TRANK1: variants seen among roughly 807,000 people sequenced by gnomAD.
TRANK1 encodes the protein tetratricopeptide repeat and ankyrin repeat containing 1.
A neutral mutation model predicts 266.0 loss-of-function variants in TRANK1; 198 were observed. The ratio of observed to expected loss-of-function variants is 0.74; its 90% CI spans 0.66 to 0.84. The LOEUF is 0.84. Among genes scored for constraint, TRANK1 ranks in the 40% least tolerant of loss-of-function variants. The pLI is 0.00. For missense variants in TRANK1, 3,326 were observed against 3,634.6 expected (o/e 0.92, Z 2.18); for synonymous variants, 1,396 against 1,384.1 (o/e 1.01, Z -0.19).
At chr3:36,936,821 G>C (rs914670579) in intron 1 of TRANK1, among the ~76,000 whole-genome samples, 2 of 152,236 alleles carry the variant, frequency 1.3e-5, no homozygotes, top group African/African-American at 4.8e-5. Context: ...AGGGCAGACA[G>C]GACGGCATGA....
chr3:36,880,054 ACAAATATATGTAAACATG>A lies in TRANK1; in HGVS notation c.908-5776_908-5759del, dbSNP rs1336693171. The A allele has an allele frequency of 3.0e-3, 34 of 11,296 alleles. 8 individuals are homozygous for A. Among genetic ancestry groups the A allele is most frequent in the Admixed American group, 9.4e-3 (7 of 746 alleles). The allele number at this position is 11,296 out of a possible 1,614,324, so 0.7% of individuals were successfully genotyped here. A position where few individuals can be genotyped will look rare whatever the true frequency, so the allele number is the denominator to read the frequency against. On this transcript the variant is annotated intron_variant, in intron 8 of 23. Coordinates refer to ENST00000645898, the MANE Select transcript of TRANK1 (RefSeq NM_001329998.2). The stretch of plus-strand genomic sequence containing the variant: ...TAAACATGCAAATATATGTAAACAT[ACAAATATATGTAAACATG>A]CAAATATATATAAACATATATAAAT...
intron 9 of TRANK1, among the ~76,000 whole-genome samples, chr3:36,871,065 T>A (rs1308439163): frequency 6.6e-6 from 1 of 151,634 alleles, no homozygotes; most frequent in Non-Finnish European, 1.5e-5. Context: ...TGCACAGTAT[T>A]CTAAGAACTG....
intron 2 of TRANK1, among the ~76,000 whole-genome samples, chr3:36,907,459 ATTTTTTTTT>A (rs1212991729): frequency 9.6e-6 from 1 of 104,350 alleles, no homozygotes; most frequent in Non-Finnish European, 1.9e-5. Context: ...AAATTTATTG[ATTTTTTTTT>A]TTTTTTTTTT....
In TRANK1 at chr3:36,903,277, T is replaced by C. The variant is rs757172239; in HGVS notation, c.156-2A>G. ...ACAGCCAAGTCCCTCGGGGGAACCC[T>C]GTAAGAACAAACCGGTGGTCTGTCA... On this transcript the variant is annotated splice_acceptor_variant, in intron 2 of 23. Transcript: ENST00000645898. LOFTEE classifies it high-confidence loss of function. 7.2e-6 allele frequency: 11 copies of C among 1,536,908 alleles called. No homozygotes were observed. The highest frequency in any genetic ancestry group is 8.7e-6 in the Non-Finnish European group (10 of 1,146,608).
rs530931290 is a variant in TRANK1, at chr3:36,943,891, C to A, written c.23+896G>T. On this transcript the variant is annotated intron_variant, in intron 1 of 23. Coordinates refer to ENST00000645898, the MANE Select transcript of TRANK1 (RefSeq NM_001329998.2). The stretch of plus-strand genomic sequence containing the variant: ...CTTTCTGCTTCTTAAATTTTTTTTT[C>A]TTTTATTTTCCAAATTGCACACTTC... Among the ~76,000 whole-genome samples the A allele has an allele frequency of 6.6e-5, 10 of 151,762 alleles. No homozygotes were observed. In the East Asian group the frequency reaches 1.9e-3, roughly 29 times the overall value.
At chr3:36,852,033 C>T (rs752523268) in intron 14 of TRANK1, 113 bp downstream of exon 14, 15 of 1,377,252 alleles carry the variant, frequency 1.1e-5, no homozygotes, top group South Asian at 1.5e-5. Context: ...AACTCACCCA[C>T]TGTGGGACAG....
intron 1 of TRANK1, among the ~76,000 whole-genome samples, chr3:36,939,495 A>G (rs146759887): frequency 1.2e-4 from 18 of 152,330 alleles, no homozygotes; most frequent in African/African-American, 4.3e-4. Flanking sequence ...GAAATCTGGG[A>G]TCAAGTCCCA....
At chr3:36,878,754 C>G (rs183571300) in intron 8 of TRANK1, among the ~76,000 whole-genome samples, 6 of 150,080 alleles carry the variant, frequency 4.0e-5, no homozygotes, top group South Asian at 2.1e-4. Flanking sequence ...AAGTACCCCC[C>G]CCGAACCTAA....
At chr3:36,885,873 G>A (rs943148486) in intron 8 of TRANK1, among the ~76,000 whole-genome samples, 3 of 152,092 alleles carry the variant, frequency 2.0e-5, no homozygotes, top group South Asian at 2.1e-4. Flanking sequence ...AACTTTATGT[G>A]GAGGCTGGGT....
At chr3:36,944,023 GC>G (rs2080534533) in intron 1 of TRANK1, among the ~76,000 whole-genome samples, 1 of 152,164 alleles carries the variant, frequency 6.6e-6, no homozygotes, top group Admixed American at 6.5e-5. Context: ...CTCTATCTCA[GC>G]CGGGTTGCAA....
intron 9 of TRANK1, among the ~76,000 whole-genome samples, chr3:36,865,533 A>G (rs1220982913): frequency 1.3e-5 from 2 of 152,154 alleles, no homozygotes; most frequent in African/African-American, 4.8e-5. Flanking sequence ...AAGGGAAGGC[A>G]ATATCTTTTT....
At chr3:36,898,991 G>A (rs2079835562) in intron 4 of TRANK1, 118 bp downstream of exon 4, 11 of 1,109,948 alleles carry the variant, frequency 9.9e-6, no homozygotes, top group African/African-American at 9.5e-5. Context: ...TCATTAAACT[G>A]CATAAATCAG....
Position 36,832,753 on chromosome 3 carries a change from A to C in TRANK1, c.6830T>G (p.Phe2277Cys), listed in dbSNP as rs747026219. 1.6e-5 allele frequency: 26 copies of C among 1,613,886 alleles called. No individual in the cohort carries two copies. Among genetic ancestry groups the C allele is most frequent in the Non-Finnish European group, 2.0e-5 (24 of 1,179,900 alleles). Residue 2277 changes from phenylalanine (F) to cysteine (C), a missense_variant, in exon 22 of 24, where the codon TTC becomes TGC. Physicochemically the swap from Phe to Cys is radical, Grantham distance 205 (BLOSUM62 -2). Coordinates refer to ENST00000645898, the MANE Select transcript of TRANK1 (RefSeq NM_001329998.2). Reference protein sequence around the residue: ...SILDVLFPKHFHQRVLSENPM... With the variant: ...SILDVLFPKHCHQRVLSENPM... The stretch of plus-strand genomic sequence containing the variant: ...GTTTTCTGACAACACTCTCTGATGG[A>C]AATGCTTAGGGAAAAGGACATCCAG...
intron 8 of TRANK1, among the ~76,000 whole-genome samples, chr3:36,876,327 C>A (rs972383687): frequency 1.3e-5 from 2 of 152,240 alleles, no homozygotes; most frequent in African/African-American, 4.8e-5. Flanking sequence ...TCATTCTGTT[C>A]TTCTAGCTCT....
chr3:36,862,916 T>C (rs2079164646), intron 10 of TRANK1, among the ~76,000 whole-genome samples: 1 of 152,134 alleles, frequency 6.6e-6, no homozygotes, highest in Non-Finnish European at 1.5e-5. Context: ...AAAAAGTCAC[T>C]TTTTTGCCAA....
chr3:36,889,546 G>A (rs1165696295), intron 8 of TRANK1, among the ~76,000 whole-genome samples: 9 of 152,188 alleles, frequency 5.9e-5, no homozygotes, highest in Non-Finnish European at 1.3e-4. Flanking sequence ...AGGGAACAAA[G>A]GCAGCCAGGA....
chr3:36,864,264 A>G lies in TRANK1; in HGVS notation c.1240+55T>C. 3 of 1,436,756 alleles carry G rather than the reference A, an allele frequency of 2.1e-6. No individual in the cohort carries two copies. In the South Asian group the frequency reaches 4.4e-5, roughly 21 times the overall value. 89.0% of individuals were successfully genotyped at this position (1,436,756 alleles called of 1,614,324 possible). On this transcript the variant is annotated intron_variant, in intron 10 of 23. Transcript: ENST00000645898. ...ATTTCTGAACAGATATTAGAAAAGA[A>G]TTTTAATGAACATAAATCATTTTTA...
chr3:36,898,327 G>A (rs2079823116), intron 4 of TRANK1, among the ~76,000 whole-genome samples: 1 of 152,130 alleles, frequency 6.6e-6, no homozygotes, highest in South Asian at 2.1e-4. Context: ...GTAGGCGCCT[G>A]TAATCCCAGC....
intron 9 of TRANK1, among the ~76,000 whole-genome samples, chr3:36,872,557 G>T (rs2079324537): frequency 6.6e-6 from 1 of 151,908 alleles, no homozygotes; most frequent in African/African-American, 2.4e-5. Flanking sequence ...CTATAGATAA[G>T]AAACAATCAA....
Sources: allele counts gnomAD v4.1 joint callset (sites outside exome capture counted in the v4.1 genomes callset), GRCh38; gene constraint gnomAD v4.1.1; transcripts MANE v1.5; gene names NCBI Gene and HGNC (gene_info 2026-07-23, HGNC 2026-07-21).